BEND6: variants seen among roughly 807,000 people sequenced by gnomAD.
The protein encoded by BEND6 is BEN domain containing 6, also known as BEN domain-containing protein 6.
BEND6 carries 24 observed loss-of-function variants against 31.8 expected under a neutral mutation model. The ratio of observed to expected loss-of-function variants is 0.75; its 90% CI spans 0.55 to 1.06. The LOEUF (loss-of-function observed/expected upper bound fraction) is 1.06, where lower values mean the gene tolerates loss of function less well. Ranked by LOEUF, BEND6 falls within the 50% of genes least tolerant of loss-of-function variation. The pLI, the probability that BEND6 is intolerant of heterozygous loss-of-function variation, is 0.00. For missense variants in BEND6, 294 were observed against 327.4 expected, an observed-to-expected ratio of 0.90 and a Z score of 0.79; for synonymous variants, 109 against 114.6, an observed-to-expected ratio of 0.95 and a Z score of 0.31.
chr6:56,989,404 C>T (rs1199157075), intron 2 of BEND6, among the ~76,000 whole-genome samples: 1 of 152,120 alleles, frequency 6.6e-6, no homozygotes, highest in African/African-American at 2.4e-5. Context: ...CAGGTTTTCA[C>T]CATTATGAAC....
chr6:56,962,863 A>G (rs1308239465), intron 1 of BEND6, among the ~76,000 whole-genome samples: 1 of 152,148 alleles, frequency 6.6e-6, no homozygotes, highest in Non-Finnish European at 1.5e-5. Context: ...GGTCATCCTC[A>G]TTACTGAATG....
At chr6:57,014,355 T>G (rs1391486625) in intron 3 of BEND6, 1 of 542,414 alleles carries the variant, frequency 1.8e-6, no homozygotes, top group Non-Finnish European at 3.0e-6. Flanking sequence ...AGTTTCAGAG[T>G]TTTTTCACCT....
At chr6:57,004,826 C>T (rs1827095535) in intron 3 of BEND6, 1 of 742,428 alleles carries the variant, frequency 1.3e-6, no homozygotes, top group Non-Finnish European at 2.4e-6. Flanking sequence ...GAGCTCAGGA[C>T]TTGAGACCAG....
intron 2 of BEND6, among the ~76,000 whole-genome samples, chr6:56,985,466 T>C (rs781512852): frequency 5.3e-5 from 8 of 152,076 alleles, no homozygotes; most frequent in Non-Finnish European, 1.0e-4. Context: ...ATGACTGCCC[T>C]CCCCTCACTC....
chr6:56,975,760 A>G, intron 1 of BEND6: 2 of 521,550 alleles, frequency 3.8e-6, no homozygotes, highest in Non-Finnish European at 7.7e-6. Flanking sequence ...TGAAACGTAA[A>G]CCTCCCATTT....
chr6:56,976,234 C>A (rs1325802265), intron 1 of BEND6, among the ~76,000 whole-genome samples: 1 of 147,058 alleles, frequency 6.8e-6, no homozygotes, highest in East Asian at 2.0e-4. Context: ...CTCGCTCTGT[C>A]ACCCAGGCTG....
chr6:57,005,399 C>T (rs1021990627), intron 3 of BEND6, among the ~76,000 whole-genome samples: 18 of 152,064 alleles, frequency 1.2e-4, no homozygotes, highest in African/African-American at 3.1e-4. Context: ...TTGTGGGCCA[C>T]GCGCAGTGGT....
Position 57,014,395 on chromosome 6 carries a change from G to T in BEND6, c.299-738G>T, listed in dbSNP as rs908950074. 1.9e-5 allele frequency: 19 copies of T among 1,010,964 alleles called. No individual in the cohort carries two copies. In the South Asian group the frequency reaches 2.1e-4, roughly 11 times the overall value. The allele number at this position is 1,010,964 out of a possible 1,614,324, so 62.6% of individuals were successfully genotyped here. ...AGCAGGCTGTGCCCTCAACCATATA[G>T]TGAGGAACTGAATTAGACAAGGTTC... On this transcript the variant is annotated intron_variant, in intron 3 of 6. Coordinates refer to ENST00000370746, the MANE Select transcript of BEND6 (RefSeq NM_152731.3).
intron 3 of BEND6, among the ~76,000 whole-genome samples, chr6:56,993,694 T>C (rs1253592980): frequency 6.6e-6 from 1 of 152,188 alleles, no homozygotes; most frequent in Non-Finnish European, 1.5e-5. Context: ...TTCACTTCAT[T>C]TTTTTATTTG....
chr6:56,968,100 T>C (rs79966742), intron 1 of BEND6, among the ~76,000 whole-genome samples: 1,524 of 152,302 alleles, frequency 0.01, 26 homozygotes, highest in African/African-American at 0.034. Context: ...GGGAACTAAA[T>C]TAATTTCTTT....
chr6:56,971,680 T>C (rs1825693711), intron 1 of BEND6, among the ~76,000 whole-genome samples: 1 of 152,206 alleles, frequency 6.6e-6, no homozygotes, highest in African/African-American at 2.4e-5. Context: ...TATGAAGTAG[T>C]TTCTCCTTGT....
intron 2 of BEND6, among the ~76,000 whole-genome samples, chr6:56,984,756 A>G (rs192031615): frequency 2.0e-3 from 309 of 152,300 alleles, no homozygotes; most frequent in Non-Finnish European, 1.6e-3. Context: ...AATTTATGAC[A>G]GTTATCTAAA....
At chr6:56,998,740 A>G (rs1826817517) in intron 3 of BEND6, among the ~76,000 whole-genome samples, 1 of 151,280 alleles carries the variant, frequency 6.6e-6, no homozygotes, top group Admixed American at 6.6e-5. Flanking sequence ...CCAAGAGCAT[A>G]GGCAACAAAA....
At chr6:56,964,857 A>G (rs943058104) in intron 1 of BEND6, among the ~76,000 whole-genome samples, 5 of 152,004 alleles carry the variant, frequency 3.3e-5, no homozygotes, top group Non-Finnish European at 7.4e-5. Context: ...ATCTCACTCT[A>G]CCCATCTATC....
At chr6:56,996,909 A>G (rs747489770) in intron 3 of BEND6, among the ~76,000 whole-genome samples, 3 of 152,198 alleles carry the variant, frequency 2.0e-5, no homozygotes, top group South Asian at 2.1e-4. Context: ...TATGAGGTCT[A>G]TTCTCAACCC....
intron 6 of BEND6, among the ~76,000 whole-genome samples, chr6:57,022,547 A>G (rs1423394769): frequency 1.3e-5 from 2 of 149,098 alleles, no homozygotes; most frequent in Non-Finnish European, 3.0e-5. Context: ...TGGTTTGCTG[A>G]TTTTCTTTGT....
chr6:56,961,922 C>G (rs1825300376), intron 1 of BEND6, among the ~76,000 whole-genome samples: 1 of 152,172 alleles, frequency 6.6e-6, no homozygotes, highest in South Asian at 2.1e-4. Context: ...AGCGTCCCAC[C>G]AGGAGTGGAA....
chr6:56,991,590 G>A (rs553333441), intron 2 of BEND6, among the ~76,000 whole-genome samples: 1 of 152,072 alleles, frequency 6.6e-6, no homozygotes, highest in African/African-American at 2.4e-5. Flanking sequence ...TGACCCCCTG[G>A]GCTCAGGTGA....
intron 1 of BEND6, among the ~76,000 whole-genome samples, chr6:56,964,797 C>T (rs556736467): frequency 6.0e-4 from 92 of 152,340 alleles, no homozygotes; most frequent in African/African-American, 2.1e-3. Context: ...CACCTGGCCT[C>T]TTCTCAGTCT....
Sources: gnomAD v4.1 joint callset for allele counts (sites outside exome capture counted in the v4.1 genomes callset) on GRCh38, gnomAD v4.1.1 for gene constraint, MANE v1.5 for transcripts, NCBI Gene and HGNC (gene_info 2026-07-23, HGNC 2026-07-21) for gene names.